The following AFAP1 variants were observed in gnomAD, a reference collection of about 807,000 sequenced individuals.
AFAP1 encodes the protein actin filament-associated protein 1.
Under a neutral mutation model 93.9 loss-of-function variants are expected in AFAP1, and 75 were observed. The ratio of observed to expected loss-of-function variants is 0.80; its 90% CI spans 0.66 to 0.97. AFAP1 has a LOEUF of 0.97. Ranked by LOEUF, AFAP1 falls within the 50% of genes least tolerant of loss-of-function variation. The probability of loss-of-function intolerance (pLI) is 0.00; values close to 1 mark genes in which losing one functional copy is unlikely to be tolerated. For missense variants in AFAP1, 1,201 were observed against 1,050.8 expected (o/e 1.14, Z -1.98); for synonymous variants, 517 against 430.7 (o/e 1.20, Z -2.48).
chr4:7,893,513 G>A (rs932940831), intron 1 of AFAP1, among the ~76,000 whole-genome samples: 3 of 147,230 alleles, frequency 2.0e-5, no homozygotes, highest in East Asian at 2.1e-4. Flanking sequence ...CCTGGGAGGC[G>A]GACCTTGCAG....
intron 6 of AFAP1, among the ~76,000 whole-genome samples, chr4:7,836,753 A>G (rs1001919041): frequency 1.3e-5 from 2 of 152,016 alleles, no homozygotes; most frequent in African/African-American, 4.8e-5. Flanking sequence ...CAGCCAGTAC[A>G]GTGTTCTTTT....
chr4:7,850,254 C>T (rs931415803), intron 4 of AFAP1, among the ~76,000 whole-genome samples: 3 of 152,178 alleles, frequency 2.0e-5, no homozygotes, highest in South Asian at 2.1e-4. Context: ...TCCCTGTGAA[C>T]CTGAAACTCT....
At chr4:7,908,040 C>T (rs1033392220) in intron 1 of AFAP1, among the ~76,000 whole-genome samples, 4 of 152,172 alleles carry the variant, frequency 2.6e-5, no homozygotes, top group Admixed American at 6.5e-5. Flanking sequence ...GGTGAAACCC[C>T]GTCTTTACTA....
chr4:7,864,267 C>T (rs1716158235), intron 3 of AFAP1, among the ~76,000 whole-genome samples: 1 of 152,252 alleles, frequency 6.6e-6, no homozygotes, highest in African/African-American at 2.4e-5. Flanking sequence ...ACCTGCAACG[C>T]TCCTAGTATA....
chr4:7,829,540 A>C (rs1176456224), intron 6 of AFAP1, among the ~76,000 whole-genome samples: 1 of 152,230 alleles, frequency 6.6e-6, no homozygotes, highest in Non-Finnish European at 1.5e-5. Context: ...AAGAATACAG[A>C]CAAAAACAGC....
At chr4:7,937,572 C>T (rs1456538121) in intron 1 of AFAP1, among the ~76,000 whole-genome samples, 1 of 152,102 alleles carries the variant, frequency 6.6e-6, no homozygotes, top group Non-Finnish European at 1.5e-5. Flanking sequence ...CTGCAACCTC[C>T]GCCTCCTGGG....
intron 6 of AFAP1, among the ~76,000 whole-genome samples, chr4:7,830,362 T>C (rs1721779987): frequency 6.6e-6 from 1 of 152,126 alleles, no homozygotes; most frequent in Admixed American, 6.5e-5. Context: ...AGGAGCGTCC[T>C]AGAGAAGACA....
At chr4:7,929,684 C>T (rs1720955466) in intron 1 of AFAP1, among the ~76,000 whole-genome samples, 2 of 152,228 alleles carry the variant, frequency 1.3e-5, no homozygotes, top group African/African-American at 2.4e-5. Context: ...CTGCCTCTTC[C>T]TGTGTGTACC....
intron 17 of AFAP1, among the ~76,000 whole-genome samples, chr4:7,768,525 C>T (rs2148949311): frequency 6.6e-6 from 1 of 152,256 alleles, no homozygotes; most frequent in Middle Eastern, 3.4e-3. Flanking sequence ...GGTCTAATCT[C>T]CACCGCACCA....
intron 14 of AFAP1, 61 bp from the exon 15 acceptor site, chr4:7,774,964 C>G (rs1465050586): frequency 1.3e-6 from 2 of 1,568,658 alleles, no homozygotes; most frequent in South Asian, 2.4e-5. Flanking sequence ...AAATATGGGA[C>G]GATCCCTTCT....
At chr4:7,874,358 T>C (rs865815792) in intron 1 of AFAP1, among the ~76,000 whole-genome samples, 3 of 55,294 alleles carry the variant, frequency 5.4e-5, no homozygotes, top group African/African-American at 1.6e-4. Flanking sequence ...GCCTTTTTCT[T>C]TTTTTTTTTT....
intron 12 of AFAP1, 136 bp downstream of exon 12, chr4:7,786,058 A>G: frequency 1.4e-6 from 1 of 712,300 alleles, no homozygotes; most frequent in Non-Finnish European, 2.4e-6. Flanking sequence ...AACAGAGATG[A>G]GATGGAGTCT....
At chr4:7,848,100 G>GAAGGAAGGAAGGAAGA (rs1358174909) in intron 4 of AFAP1, among the ~76,000 whole-genome samples, 30 of 22,616 alleles carry the variant, frequency 1.3e-3, no homozygotes, top group Non-Finnish European at 3.5e-3. Context: ...GGGAAGGAAA[G>GAAGGAAGGAAGGAAGA]AAGGAAGGAA....
chr4:7,889,542 CAA>C (rs576725041), intron 1 of AFAP1, among the ~76,000 whole-genome samples: 6 of 60,662 alleles, frequency 9.9e-5, no homozygotes, highest in Admixed American at 1.9e-4. Flanking sequence ...AACTCCATCC[CAA>C]AAAAAAAAAA....
intron 6 of AFAP1, among the ~76,000 whole-genome samples, chr4:7,828,292 C>T (rs1358037331): frequency 2.0e-5 from 3 of 152,332 alleles, no homozygotes; most frequent in East Asian, 1.9e-4. Flanking sequence ...GATCCACCAG[C>T]ACCAGGACTC....
intron 15 of AFAP1, chr4:7,773,248 T>C: frequency 1.8e-6 from 1 of 551,352 alleles, no homozygotes. Flanking sequence ...GAGATGCTGA[T>C]TCTGACGAAG....
chr4:7,869,948 G>T (rs1716882100), intron 2 of AFAP1, among the ~76,000 whole-genome samples: 1 of 152,192 alleles, frequency 6.6e-6, no homozygotes. Flanking sequence ...TCATCCAGAA[G>T]GAGGCATGAA....
At chr4:7,842,884 G>C (rs1001618047) in intron 5 of AFAP1, 6 of 480,686 alleles carry the variant, frequency 1.2e-5, no homozygotes, top group African/African-American at 1.2e-4. Flanking sequence ...CCCTGCCCGG[G>C]AATGGGAATG....
chr4:7,784,987 AC>A (rs941140647), intron 12 of AFAP1, among the ~76,000 whole-genome samples: 31 of 152,186 alleles, frequency 2.0e-4, no homozygotes, highest in Non-Finnish European at 3.5e-4. Flanking sequence ...GGAAAACATA[AC>A]AATAAATTTA....
Sources: gnomAD v4.1 joint callset for allele counts (sites outside exome capture counted in the v4.1 genomes callset) on GRCh38, gnomAD v4.1.1 for gene constraint, MANE v1.5 for transcripts, NCBI Gene and HGNC (gene_info 2026-07-23, HGNC 2026-07-21) for gene names.